The following CTCF variants were observed in gnomAD, a reference collection of about 807,000 sequenced individuals.
CTCF encodes the protein CCCTC-binding factor.
Under a neutral mutation model 72.3 loss-of-function variants are expected in CTCF, and 7 were observed. The ratio of observed to expected loss-of-function variants is 0.10; its 90% CI spans 0.06 to 0.18. The LOEUF (loss-of-function observed/expected upper bound fraction) is 0.18. Ranked by LOEUF, CTCF falls within the 10% of genes least tolerant of loss-of-function variation. The pLI is 1.00. For synonymous variants in CTCF, 374 were observed against 315.8 expected, an observed-to-expected ratio of 1.18 and a Z score of -1.95; for missense variants, 516 against 949.1, an observed-to-expected ratio of 0.54 and a Z score of 6.00.
chr16:67,620,643 C>A, intron 5 of CTCF, 54 bp from the exon 6 acceptor site: 1 of 1,454,754 alleles, frequency 6.9e-7, no homozygotes, highest in South Asian at 1.5e-5. Context: ...CTACTGTGCT[C>A]TTGTTACAGT....
chr16:67,601,465 A>G (rs954752798), intron 2 of CTCF, among the ~76,000 whole-genome samples: 2 of 151,512 alleles, frequency 1.3e-5, no homozygotes, highest in Non-Finnish European at 2.9e-5. Context: ...CAGCCTTCCC[A>G]GTAGCTGGGA....
chr16:67,607,843 C>T (rs538905206), intron 2 of CTCF, among the ~76,000 whole-genome samples: 1 of 149,712 alleles, frequency 6.7e-6, no homozygotes, highest in East Asian at 2.0e-4. Context: ...CATAGTGAAA[C>T]CCCGTATCTG....
chr16:67,633,778 C>G (rs1418923779), intron 10 of CTCF, among the ~76,000 whole-genome samples: 1 of 134,532 alleles, frequency 7.4e-6, no homozygotes, highest in Non-Finnish European at 1.6e-5. Context: ...CGTCTTGTCC[C>G]CTGACACACA....
intron 2 of CTCF, 93 bp from the exon 3 acceptor site, chr16:67,610,731 T>C (rs769867458): frequency 5.6e-6 from 5 of 894,216 alleles, no homozygotes; most frequent in Non-Finnish European, 8.0e-6. Context: ...GATGCCTAAT[T>C]CATTCACCAA....
At chr16:67,622,021 ATAGT>A (rs751618832) in intron 7 of CTCF, among the ~76,000 whole-genome samples, 4 of 152,148 alleles carry the variant, frequency 2.6e-5, no homozygotes, top group Non-Finnish European at 5.9e-5. Context: ...ATTTCTGTGC[ATAGT>A]TAAACTAGAG....
intron 2 of CTCF, among the ~76,000 whole-genome samples, chr16:67,578,957 A>AC (rs746711151): frequency 2.1e-4 from 31 of 144,256 alleles, no homozygotes; most frequent in Non-Finnish European, 3.3e-4. Flanking sequence ...TCAAAAATAA[A>AC]TAAATAAAAA....
chr16:67,633,777 C>G (rs1156762628), intron 10 of CTCF, among the ~76,000 whole-genome samples: 1 of 138,550 alleles, frequency 7.2e-6, no homozygotes, highest in Admixed American at 7.3e-5. Context: ...CCGTCTTGTC[C>G]CCTGACACAC....
chr16:67,568,740 G>C (rs548616793), intron 1 of CTCF, among the ~76,000 whole-genome samples: 1 of 152,002 alleles, frequency 6.6e-6, no homozygotes, highest in Non-Finnish European at 1.5e-5. Context: ...ATGTTGCCCT[G>C]ACTGGCTTTG....
intron 7 of CTCF, among the ~76,000 whole-genome samples, chr16:67,624,131 ATATG>A (rs113028056): frequency 1.4e-5 from 2 of 139,348 alleles, no homozygotes; most frequent in South Asian, 4.5e-4. Context: ...GTGTGTATAT[ATATG>A]TGTGTGTGTG....
chr16:67,621,894 C>T (rs2052204253), intron 7 of CTCF, among the ~76,000 whole-genome samples: 1 of 151,870 alleles, frequency 6.6e-6, no homozygotes, highest in Admixed American at 6.6e-5. Flanking sequence ...CCTTCCTTCC[C>T]CAAATAGGAA....
intron 1 of CTCF, among the ~76,000 whole-genome samples, chr16:67,566,621 G>T (rs1019706108): frequency 9.2e-5 from 14 of 151,412 alleles, no homozygotes; most frequent in Admixed American, 2.0e-4. Context: ...TTGTCTACCA[G>T]GCTGGAGTGC....
chr16:67,637,322 A>G (rs932435908), intron 11 of CTCF, among the ~76,000 whole-genome samples: 2 of 152,232 alleles, frequency 1.3e-5, no homozygotes, highest in Non-Finnish European at 2.9e-5. Flanking sequence ...ACCTGAGGTC[A>G]GTAGTTCCAT....
chr16:67,571,927 A>G (rs2142716556), intron 2 of CTCF, among the ~76,000 whole-genome samples: 1 of 152,334 alleles, frequency 6.6e-6, no homozygotes, highest in East Asian at 1.9e-4. Flanking sequence ...TTGGGATCTC[A>G]TAAACAACAA....
intron 10 of CTCF, among the ~76,000 whole-genome samples, chr16:67,632,615 A>T (rs1168472185): frequency 6.6e-6 from 1 of 150,536 alleles, no homozygotes; most frequent in Non-Finnish European, 1.5e-5. Context: ...CACCAAGCCA[A>T]TAAGCCTTTG....
At chr16:67,563,262 C>G (rs1450056585) in intron 1 of CTCF, 1 of 152,452 alleles carries the variant, frequency 6.6e-6, no homozygotes, top group Non-Finnish European at 1.5e-5. Flanking sequence ...TCGGGCTGCC[C>G]CTCCTCCAGC....
intron 1 of CTCF, among the ~76,000 whole-genome samples, chr16:67,570,146 G>A (rs1041842681): frequency 1.1e-4 from 17 of 148,784 alleles, no homozygotes; most frequent in Non-Finnish European, 2.2e-4. Flanking sequence ...GCAGGATCTC[G>A]GCTCACTGCA....
intron 10 of CTCF, among the ~76,000 whole-genome samples, chr16:67,634,708 TA>T: frequency 6.6e-6 from 1 of 151,130 alleles, no homozygotes. Flanking sequence ...TTTTTTTTCT[TA>T]TTTTTTTTCC....
At chr16:67,609,860 C>T (rs1162948305) in intron 2 of CTCF, among the ~76,000 whole-genome samples, 4 of 151,810 alleles carry the variant, frequency 2.6e-5, no homozygotes, top group South Asian at 2.1e-4. Context: ...TCCTGACCTC[C>T]GGTAATCTGC....
chr16:67,588,046 C>T (rs1447938233), intron 2 of CTCF, among the ~76,000 whole-genome samples: 3 of 151,928 alleles, frequency 2.0e-5, no homozygotes, highest in Non-Finnish European at 4.4e-5. Flanking sequence ...TCAGTAGAGA[C>T]GGGGTTTCAC....
Sources: allele counts gnomAD v4.1 joint callset (sites outside exome capture counted in the v4.1 genomes callset), GRCh38; gene constraint gnomAD v4.1.1; transcripts MANE v1.5; gene names NCBI Gene and HGNC (gene_info 2026-07-23, HGNC 2026-07-21).